Variants in FNDC1 observed in about 807,000 individuals in gnomAD.
FNDC1 encodes the protein fibronectin type III domain-containing protein 1.
FNDC1 carries 96 observed loss-of-function variants against 168.0 expected under a neutral mutation model. The observed-to-expected ratio is 0.57, with a 90% CI of 0.48 to 0.68. The LOEUF is 0.68. Ranked by LOEUF, FNDC1 falls within the 30% of genes least tolerant of loss-of-function variation. The probability of loss-of-function intolerance (pLI) is 0.00; values close to 1 mark genes in which losing one functional copy is unlikely to be tolerated. For missense variants in FNDC1, 2,587 were observed against 2,482.1 expected, an observed-to-expected ratio of 1.04 and a Z score of -0.90; for synonymous variants, 1,099 against 1,025.9, an observed-to-expected ratio of 1.07 and a Z score of -1.36.
chr6:159,170,601 A>T (rs981600375), intron 1 of FNDC1, among the ~76,000 whole-genome samples: 1 of 152,250 alleles, frequency 6.6e-6, no homozygotes, highest in Admixed American at 6.5e-5. Context: ...CAAGAAGCAG[A>T]CAATGATCGT....
At chr6:159,265,109 C>A in intron 20 of FNDC1, 105 bp downstream of exon 20, 2 of 968,696 alleles carry the variant, frequency 2.1e-6, no homozygotes, top group Non-Finnish European at 3.1e-6. Context: ...ACCATTTTCA[C>A]AATTTTCTGT....
chr6:159,266,031 GA>G, intron 20 of FNDC1, 52 bp from the exon 21 acceptor site: 1 of 1,586,238 alleles, frequency 6.3e-7, no homozygotes, highest in Non-Finnish European at 8.6e-7. Flanking sequence ...CTTTGTGTGA[GA>G]AGACACACTG....
chr6:159,208,282 T>C (rs866084472), intron 4 of FNDC1, among the ~76,000 whole-genome samples: 1 of 152,192 alleles, frequency 6.6e-6, no homozygotes, highest in South Asian at 2.1e-4. Context: ...ATAAGATGGC[T>C]GAAGAGGGCA....
rs141414576 is a variant in FNDC1, at chr6:159,243,884, G to C, written c.4622-3017G>C. Among the ~76,000 whole-genome samples, 202 of 152,242 alleles carry C rather than the reference G, an allele frequency of 1.3e-3. 7 individuals are homozygous for C. The South Asian group carries it at 0.029, about 22-fold the overall frequency. The stretch of plus-strand genomic sequence containing the variant: ...CCAGTAGATTGTTTACTTAATGCCA[G>C]AGGACTTAACTGTCACTCATCTCAG... On this transcript the variant is annotated intron_variant, in intron 14 of 22. Coordinates refer to ENST00000297267, the MANE Select transcript of FNDC1 (RefSeq NM_032532.3).
In FNDC1 at chr6:159,197,315, G is replaced by A. The variant is rs78386025; in HGVS notation, c.110-116G>A. 1,105 of 995,838 alleles carry A rather than the reference G, an allele frequency of 1.1e-3. 11 individuals are homozygous for A. The African/African-American group carries it at 0.016, about 14-fold the overall frequency. 61.7% of individuals were successfully genotyped at this position (995,838 alleles called of 1,614,324 possible). On this transcript the variant is annotated intron_variant, in intron 1 of 22. Transcript: ENST00000297267. The stretch of plus-strand genomic sequence containing the variant: ...TACATGACTATCCTTAAAGTCTTTC[G>A]GATCATACTGATTAAACGTCATTTA...
Position 159,223,659 on chromosome 6 carries a change from T to C in FNDC1, c.884+14T>C. 3 of 1,499,574 alleles carry C rather than the reference T, an allele frequency of 2.0e-6. No homozygotes were observed. Among genetic ancestry groups the C allele is most frequent in the Non-Finnish European group, 2.8e-6 (3 of 1,078,146 alleles). 92.9% of individuals were successfully genotyped at this position (1,499,574 alleles called of 1,614,324 possible). ...TGTTGCATCAAGGTACTTTTGCTTA[T>C]TTATTTGTCTTTATATATGAGAGAT... On this transcript the variant is annotated intron_variant, in intron 7 of 22. Coordinates refer to ENST00000297267, the MANE Select transcript of FNDC1 (RefSeq NM_032532.3).
At chr6:159,170,417 C>T (rs1158989029) in intron 1 of FNDC1, among the ~76,000 whole-genome samples, 1 of 152,224 alleles carries the variant, frequency 6.6e-6, no homozygotes, top group Non-Finnish European at 1.5e-5. Flanking sequence ...GAGAGCAATG[C>T]TTTTCAGAAA....
chr6:159,251,304 C>A lies in FNDC1; in HGVS notation c.4837C>A (p.Pro1613Thr). ...TGGTTATCTCTGTTCTTTTCCAGCTCCTTACGTGACGTACCTAAATAAAGA... is the reference window on the plus strand; with the variant it reads ...TGGTTATCTCTGTTCTTTTCCAGCTACTTACGTGACGTACCTAAATAAAGA... ...DLAGRKRFVA[P>T]YVTYLNKDPS... The change falls in exon 17 of 23, where the codon CCT becomes ACT. Residue 1613 changes from proline (P) to threonine (T), a missense_variant and splice_region_variant. Coordinates refer to ENST00000297267, the MANE Select transcript of FNDC1 (RefSeq NM_032532.3). The A allele has an allele frequency of 6.2e-7, 1 of 1,612,606 alleles. No homozygotes were observed. The highest frequency in any genetic ancestry group is 8.5e-7 in the Non-Finnish European group (1 of 1,178,874).
At chr6:159,213,952 A>T (rs534499170) in intron 4 of FNDC1, among the ~76,000 whole-genome samples, 2 of 152,314 alleles carry the variant, frequency 1.3e-5, no homozygotes, top group African/African-American at 4.8e-5. Context: ...GAATTGTGAT[A>T]TTAGATTTTG....
intron 5 of FNDC1, 23 bp downstream of exon 5, chr6:159,215,174 T>C (rs770569902): frequency 2.3e-5 from 36 of 1,591,072 alleles, no homozygotes; most frequent in Non-Finnish European, 2.9e-5. Flanking sequence ...TTCATTGGTA[T>C]TCAATGTTTC....
intron 8 of FNDC1, 31 bp downstream of exon 8, chr6:159,225,753 A>G (rs756272251): frequency 2.1e-5 from 32 of 1,537,496 alleles, no homozygotes; most frequent in Non-Finnish European, 2.7e-5. Context: ...TTGAATTTTC[A>G]ATTTGGGAAT....
intron 6 of FNDC1, among the ~76,000 whole-genome samples, chr6:159,222,686 G>A (rs1782854925): frequency 6.6e-6 from 1 of 152,194 alleles, no homozygotes; most frequent in Non-Finnish European, 1.5e-5. Flanking sequence ...ATCTGAACAT[G>A]TTTTAATCTG....
intron 4 of FNDC1, among the ~76,000 whole-genome samples, chr6:159,208,800 A>AG (rs1782537182): frequency 2.6e-5 from 4 of 151,944 alleles, no homozygotes. Context: ...CATGTCCAAC[A>AG]GGGAGAATTT....
At chr6:159,220,418 T>C (rs1180231353) in intron 5 of FNDC1, among the ~76,000 whole-genome samples, 1 of 152,184 alleles carries the variant, frequency 6.6e-6, no homozygotes, top group Non-Finnish European at 1.5e-5. Context: ...GCACTAGAAA[T>C]AGGCCAGATC....
chr6:159,209,233 G>A (rs1033012724), intron 4 of FNDC1, among the ~76,000 whole-genome samples: 5 of 152,192 alleles, frequency 3.3e-5, no homozygotes, highest in Non-Finnish European at 5.9e-5. Context: ...TGAAGATTAG[G>A]AATGAATTTC....
In FNDC1 at chr6:159,267,899, T is replaced by C; in HGVS notation, c.5542T>C (p.Tyr1848His). 8 of 1,611,962 alleles carry C rather than the reference T, an allele frequency of 5.0e-6. No homozygotes were observed. The highest frequency in any genetic ancestry group is 6.8e-6 in the Non-Finnish European group (8 of 1,178,942). The change falls in exon 22 of 23, where the codon TAT (tyrosine) becomes CAT (histidine). Residue 1848 changes from tyrosine (Y) to histidine (H), a missense_variant. Physicochemically the swap from Tyr to His is moderately conservative, Grantham distance 83 (BLOSUM62 2). Transcript: ENST00000297267. ...TGATGGAAGAACAGGGCCTCAGTCC[T>C]ATGTAGAAGCCCTCCCTACTATTCA... is the stretch of plus-strand genomic sequence containing the variant. ...HLDGRTGPQSYVEALPTIQGY... is the reference protein window; with the variant it reads ...HLDGRTGPQSHVEALPTIQGY...
chr6:159,190,540 G>A (rs550236640), intron 1 of FNDC1, among the ~76,000 whole-genome samples: 30 of 152,354 alleles, frequency 2.0e-4, no homozygotes, highest in Admixed American at 4.6e-4. Context: ...GTGCTGAGTA[G>A]TCTGCCCTGC....
chr6:159,226,020 C>T (rs1013869614), intron 8 of FNDC1, among the ~76,000 whole-genome samples: 2 of 152,138 alleles, frequency 1.3e-5, no homozygotes, highest in South Asian at 4.1e-4. Context: ...CCATTGTGTG[C>T]GTGAATGCCC....
intron 1 of FNDC1, among the ~76,000 whole-genome samples, chr6:159,188,379 T>C (rs1350493155): frequency 1.9e-5 from 1 of 52,388 alleles, no homozygotes; most frequent in Non-Finnish European, 3.1e-5. Flanking sequence ...CTTTTTTTTT[T>C]TTTTTTTTTT....
Sources: allele counts gnomAD v4.1 joint callset (sites outside exome capture counted in the v4.1 genomes callset), GRCh38; gene constraint gnomAD v4.1.1; transcripts MANE v1.5; gene names NCBI Gene and HGNC (gene_info 2026-07-23, HGNC 2026-07-21).